Variants in RYR2 observed in about 807,000 individuals in gnomAD.
RYR2 encodes ryanodine receptor 2.
Under a neutral mutation model 601.1 loss-of-function variants are expected in RYR2, and 227 were observed. The observed-to-expected ratio is 0.38, with a 90% CI of 0.34 to 0.42. The LOEUF (loss-of-function observed/expected upper bound fraction) is 0.42. RYR2 is among the 10% of genes least tolerant of loss of function. The pLI is 1.00. For synonymous variants in RYR2, 2,223 were observed against 2,175.1 expected (o/e 1.02, Z -0.61); for missense variants, 4,646 against 6,156.5 (o/e 0.75, Z 8.21).
Position 237,641,109 on chromosome 1 carries a change from C to T in RYR2, c.7221+107C>T, listed in dbSNP as rs1475236492. On this transcript the variant is annotated intron_variant, in intron 47 of 104. Coordinates refer to ENST00000366574, the MANE Select transcript of RYR2 (RefSeq NM_001035.3). Reference sequence around the variant, plus strand: ...TCCAAAACCAATAATCTTCATGCTCCATTAAAAATAATAGCTGCAGTCTAA... The same window carrying T: ...TCCAAAACCAATAATCTTCATGCTCTATTAAAAATAATAGCTGCAGTCTAA... 5.5e-5 allele frequency: 36 copies of T among 652,148 alleles called. No individual in the cohort carries two copies. In the East Asian group the frequency reaches 1.0e-3, roughly 19 times the overall value. The allele number at this position is 652,148 out of a possible 1,614,324, so 40.4% of individuals were successfully genotyped here.
chr1:237,322,855 A>AT (rs142296908), intron 2 of RYR2, among the ~76,000 whole-genome samples: 1,613 of 143,542 alleles, frequency 0.011, 26 homozygotes, highest in African/African-American at 0.038. Context: ...TGTGGTGTTA[A>AT]TTTTTTTTTA....
chr1:237,283,219 C>A (rs1194631477), intron 2 of RYR2, among the ~76,000 whole-genome samples: 3 of 152,166 alleles, frequency 2.0e-5, no homozygotes, highest in African/African-American at 7.2e-5. Flanking sequence ...CATCTCCCTC[C>A]TTTATGACAA....
Position 237,416,755 on chromosome 1 carries a change from C to CAG in RYR2, c.774-293_774-292insGA, listed in dbSNP as rs1209983083. 1.6e-4 allele frequency among the ~76,000 whole-genome samples: 9 copies of CAG among 55,746 alleles called. No individual in the cohort carries two copies. In the East Asian group the frequency reaches 6.6e-3, roughly 41 times the overall value. 36.6% of individuals were successfully genotyped at this position (55,746 alleles called of 152,430 possible). A position where few individuals can be genotyped will look rare whatever the true frequency, so the allele number is the denominator to read the frequency against. On this transcript the variant is annotated intron_variant, in intron 10 of 104. Coordinates refer to ENST00000366574, the MANE Select transcript of RYR2 (RefSeq NM_001035.3). ...GGAGGGAGGGATGGGAAGAAACACACACACACACAGAGAGAGAGAGAGAGA... is the reference window on the plus strand; with the variant it reads ...GGAGGGAGGGATGGGAAGAAACACACAGACACACACAGAGAGAGAGAGAGAGA...
chr1:237,705,618 G>T (rs1688304073), intron 67 of RYR2, among the ~76,000 whole-genome samples: 1 of 152,124 alleles, frequency 6.6e-6, no homozygotes, highest in South Asian at 2.1e-4. Context: ...GATTGTGAGA[G>T]CTCCTAGAGG....
chr1:237,584,347 A>G (rs1018664062), intron 29 of RYR2, among the ~76,000 whole-genome samples: 5 of 152,164 alleles, frequency 3.3e-5, no homozygotes, highest in African/African-American at 1.2e-4. Flanking sequence ...CAAACATTCC[A>G]TCTTAATATC....
intron 1 of RYR2, among the ~76,000 whole-genome samples, chr1:237,240,176 C>T (rs139620247): frequency 1.0e-3 from 155 of 152,130 alleles, no homozygotes; most frequent in African/African-American, 3.6e-3. Flanking sequence ...GTGAGGTTGC[C>T]GTCGTCTAAG....
At chr1:237,197,102 T>G (rs1000669077) in intron 1 of RYR2, among the ~76,000 whole-genome samples, 2 of 152,194 alleles carry the variant, frequency 1.3e-5, no homozygotes, top group Admixed American at 1.3e-4. Context: ...TTTTTAAAAA[T>G]ATACTGGTCT....
chr1:237,515,902 TTCTCCCTCTTCTCCC>T (rs1666472669), intron 24 of RYR2, among the ~76,000 whole-genome samples: 2 of 141,122 alleles, frequency 1.4e-5, no homozygotes, highest in South Asian at 2.4e-4. Context: ...CCTCTTCTCC[TTCTCCCTCTTCTCCC>T]TCTCCCTCTT....
At chr1:237,541,700 C>T (rs1669279149) in intron 25 of RYR2, among the ~76,000 whole-genome samples, 1 of 151,682 alleles carries the variant, frequency 6.6e-6, no homozygotes, top group Non-Finnish European at 1.5e-5. Context: ...AAGGGTGGTG[C>T]CATTTTATAG....
chr1:237,799,778 G>A (rs1659732252), intron 97 of RYR2, among the ~76,000 whole-genome samples: 1 of 152,150 alleles, frequency 6.6e-6, no homozygotes, highest in African/African-American at 2.4e-5. Flanking sequence ...CATAAGGCTT[G>A]GTATGTGCAC....
At chr1:237,123,461 G>T (rs1302125124) in intron 1 of RYR2, among the ~76,000 whole-genome samples, 1 of 151,934 alleles carries the variant, frequency 6.6e-6, no homozygotes, top group African/African-American at 2.4e-5. Context: ...GGTGGTGCGT[G>T]TCTGTAGTCC....
intron 2 of RYR2, among the ~76,000 whole-genome samples, chr1:237,302,976 A>G (rs187460356): frequency 6.6e-5 from 10 of 152,278 alleles, no homozygotes; most frequent in Admixed American, 3.9e-4. Context: ...CCATTCTTAC[A>G]TCTGCACTGG....
chr1:237,245,365 T>A (rs185155261), intron 1 of RYR2, among the ~76,000 whole-genome samples: 147 of 152,312 alleles, frequency 9.7e-4, no homozygotes, highest in African/African-American at 3.4e-3. Flanking sequence ...ATGAGACCAT[T>A]TCTATGTAGG....
intron 12 of RYR2, among the ~76,000 whole-genome samples, chr1:237,429,680 T>C (rs573426593): frequency 5.9e-5 from 9 of 152,314 alleles, no homozygotes; most frequent in Non-Finnish European, 1.3e-4. Context: ...AAGCAGGTGA[T>C]TCACATGGAA....
At chr1:237,085,758 C>T (rs1232513489) in intron 1 of RYR2, among the ~76,000 whole-genome samples, 1 of 151,180 alleles carries the variant, frequency 6.6e-6, no homozygotes, top group African/African-American at 2.4e-5. Context: ...CTGCTTCTGA[C>T]TTTTTTTTTG....
chr1:237,435,801 G>C (rs1402896372), intron 12 of RYR2, among the ~76,000 whole-genome samples: 1 of 152,186 alleles, frequency 6.6e-6, no homozygotes, highest in Non-Finnish European at 1.5e-5. Flanking sequence ...TGACGAATTA[G>C]AGTAATCAAT....
chr1:237,818,980 G>T, intron 100 of RYR2, 56 bp from the exon 101 acceptor site: 1 of 1,527,568 alleles, frequency 6.5e-7, no homozygotes, highest in Non-Finnish European at 8.9e-7. Flanking sequence ...CGGGTTTGTC[G>T]AGAAAAAAAA....
At chr1:237,609,621 T>C (rs1373216822) in intron 35 of RYR2, among the ~76,000 whole-genome samples, 1 of 152,018 alleles carries the variant, frequency 6.6e-6, no homozygotes, top group Non-Finnish European at 1.5e-5. Context: ...TGCCTCGGCC[T>C]CCCAAAGTGC....
intron 1 of RYR2, among the ~76,000 whole-genome samples, chr1:237,199,087 TG>T (rs1259526879): frequency 6.6e-6 from 1 of 152,222 alleles, no homozygotes; most frequent in Non-Finnish European, 1.5e-5. Flanking sequence ...GCAGAGTGTG[TG>T]AAACAAAAGT....
Sources: allele counts gnomAD v4.1 joint callset (sites outside exome capture counted in the v4.1 genomes callset), GRCh38; gene constraint gnomAD v4.1.1; transcripts MANE v1.5; gene names NCBI Gene and HGNC (gene_info 2026-07-23, HGNC 2026-07-21).